Variants in TENM4 observed in about 807,000 individuals in gnomAD.
TENM4 encodes the protein teneurin-4.
Under a neutral mutation model 243.3 loss-of-function variants are expected in TENM4, and 82 were observed. The ratio of observed to expected loss-of-function variants is 0.34; its 90% CI spans 0.28 to 0.40. The LOEUF is 0.40. Ranked by LOEUF, TENM4 falls within the 10% of genes least tolerant of loss-of-function variation. The pLI, the probability that TENM4 is intolerant of heterozygous loss-of-function variation, is 1.00. For missense variants in TENM4, 3,138 were observed against 3,673.3 expected, an observed-to-expected ratio of 0.85 and a Z score of 3.77; for synonymous variants, 1,412 against 1,456.3, an observed-to-expected ratio of 0.97 and a Z score of 0.69.
At chr11:79,296,791 A>T (rs1856462164) in intron 2 of TENM4, among the ~76,000 whole-genome samples, 1 of 152,236 alleles carries the variant, frequency 6.6e-6, no homozygotes, top group Non-Finnish European at 1.5e-5. Context: ...TCTACGTTAT[A>T]GAGTTGTGGG....
At chr11:79,057,105 T>C (rs1859963619) in intron 6 of TENM4, among the ~76,000 whole-genome samples, 2 of 152,202 alleles carry the variant, frequency 1.3e-5, no homozygotes, top group South Asian at 4.1e-4. Context: ...CCTGAGCACC[T>C]GTTGTCTCTC....
intron 6 of TENM4, chr11:78,903,951 T>C (rs904958699): frequency 9.3e-6 from 4 of 431,842 alleles, no homozygotes; most frequent in Admixed American, 3.0e-5. Context: ...TGAACCCTGA[T>C]AGGGCCCAGG....
At chr11:79,380,152 G>T (rs1857971771) in intron 1 of TENM4, among the ~76,000 whole-genome samples, 1 of 152,160 alleles carries the variant, frequency 6.6e-6, no homozygotes, top group Non-Finnish European at 1.5e-5. Flanking sequence ...AAAAGGAGGT[G>T]TGATGGCAAC....
chr11:78,658,645 T>C lies in TENM4; in HGVS notation c.7723A>G (p.Lys2575Glu). 6.2e-7 allele frequency: 1 copy of C among 1,614,024 alleles called. No homozygotes were observed. The highest frequency in any genetic ancestry group is 1.3e-5 in the African/African-American group (1 of 75,058). ...VFGKGVKFALKDGRVTTDIIS... is the reference protein window; with the variant it reads ...VFGKGVKFALEDGRVTTDIIS... ...ATGTCTGTGGTCACTCGGCCATCCT[T>C]CAAGGCAAACTTGACCCCCTTGCCA... is the stretch of plus-strand genomic sequence containing the variant. The change falls in exon 34 of 34, where the codon AAG (lysine) becomes GAG (glutamate). Residue 2575 changes from lysine to glutamate, a missense_variant. Physicochemically the swap from Lys to Glu is moderately conservative, Grantham distance 56. This residue lies in a region of TENM4 where 2,467 missense variants were observed against 3,059.1 expected (regional missense o/e 0.81). Transcript: ENST00000278550.
At chr11:79,307,844 G>C (rs1856652651) in intron 1 of TENM4, among the ~76,000 whole-genome samples, 1 of 152,190 alleles carries the variant, frequency 6.6e-6, no homozygotes, top group African/African-American at 2.4e-5. Flanking sequence ...AGAGGATATG[G>C]AGACCTAGAG....
chr11:79,075,222 T>C lies in TENM4; in HGVS notation c.-65-5213A>G, dbSNP rs536903666. Among the ~76,000 whole-genome samples the C allele has an allele frequency of 2.7e-4, 41 of 152,302 alleles. 3 individuals carry two copies. The East Asian group carries it at 7.7e-3, about 29-fold the overall frequency. On this transcript the variant is annotated intron_variant, in intron 4 of 33. Coordinates refer to ENST00000278550, the MANE Select transcript of TENM4 (RefSeq NM_001098816.3). ...CTGTGAATCGGTCCCATTTTATTGA[T>C]GAAGAGCCTGCGGCTTAGAGAAGTA...
intron 6 of TENM4, among the ~76,000 whole-genome samples, chr11:79,058,156 T>C (rs866441537): frequency 6.6e-6 from 1 of 152,198 alleles, no homozygotes; most frequent in Non-Finnish European, 1.5e-5. Context: ...ATTCTGGATA[T>C]AGCTAGAAGC....
intron 6 of TENM4, among the ~76,000 whole-genome samples, chr11:78,914,567 C>A (rs887110457): frequency 1.3e-5 from 2 of 152,138 alleles, no homozygotes; most frequent in African/African-American, 4.8e-5. Flanking sequence ...GAATGTCAAG[C>A]CTCTACTGCT....
chr11:78,929,580 C>T (rs1856626756), intron 6 of TENM4, among the ~76,000 whole-genome samples: 1 of 151,994 alleles, frequency 6.6e-6, no homozygotes, highest in Non-Finnish European at 1.5e-5. Flanking sequence ...AGCTGGTGGC[C>T]TTTATTATGG....
intron 4 of TENM4, among the ~76,000 whole-genome samples, chr11:79,116,515 AG>A (rs1861625009): frequency 5.4e-4 from 1 of 1,868 alleles, no homozygotes; most frequent in Admixed American, 1.6e-3. Flanking sequence ...GCTGTGAAAT[AG>A]TAAAATAGTA....
chr11:79,064,545 A>G, intron 6 of TENM4, 193 bp downstream of exon 6: 2 of 720,736 alleles, frequency 2.8e-6, no homozygotes, highest in Non-Finnish European at 4.5e-6. Flanking sequence ...CAGCGACCCA[A>G]TCTCTGGCAT....
At chr11:78,700,732 C>T (rs901768831) in intron 28 of TENM4, among the ~76,000 whole-genome samples, 1 of 152,160 alleles carries the variant, frequency 6.6e-6, no homozygotes, top group Non-Finnish European at 1.5e-5. Context: ...AAATGAGCTA[C>T]TTGAGGTGGG....
chr11:78,890,062 C>A (rs1245734746), intron 8 of TENM4, 42 bp from the exon 9 acceptor site: 1 of 1,474,710 alleles, frequency 6.8e-7, no homozygotes, highest in East Asian at 2.5e-5. Flanking sequence ...GGGCTGCCCA[C>A]AGACCAGGCA....
At chr11:79,332,227 A>G (rs1357839807) in intron 1 of TENM4, among the ~76,000 whole-genome samples, 2 of 152,204 alleles carry the variant, frequency 1.3e-5, no homozygotes, top group Non-Finnish European at 2.9e-5. Flanking sequence ...ACCTTCAGCT[A>G]TCACTCCAGG....
At chr11:79,337,227 G>A (rs1857162403) in intron 1 of TENM4, among the ~76,000 whole-genome samples, 1 of 152,202 alleles carries the variant, frequency 6.6e-6, no homozygotes, top group Non-Finnish European at 1.5e-5. Context: ...CCTGCCAGAG[G>A]CTTTTTAGAA....
chr11:78,995,844 C>G (rs1328889236), intron 6 of TENM4, among the ~76,000 whole-genome samples: 1 of 152,148 alleles, frequency 6.6e-6, no homozygotes, highest in East Asian at 1.9e-4. Context: ...AACCTTGCAT[C>G]GATCACTTAA....
At chr11:78,804,495 C>A (rs1591036322) in intron 15 of TENM4, among the ~76,000 whole-genome samples, 1 of 152,102 alleles carries the variant, frequency 6.6e-6, no homozygotes, top group South Asian at 2.1e-4. Context: ...TGACCATAAC[C>A]CACTATATAC....
At chr11:79,303,718 A>G (rs554917997) in intron 1 of TENM4, among the ~76,000 whole-genome samples, 1 of 152,338 alleles carries the variant, frequency 6.6e-6, no homozygotes, top group African/African-American at 2.4e-5. Context: ...GCTCTAAACC[A>G]TTAGACTATC....
intron 13 of TENM4, among the ~76,000 whole-genome samples, chr11:78,812,903 G>A (rs924945032): frequency 3.9e-5 from 6 of 152,162 alleles, no homozygotes; most frequent in African/African-American, 1.4e-4. Context: ...AAAGGATTTT[G>A]TGATCTTCTC....
Sources: allele counts gnomAD v4.1 joint callset (sites outside exome capture counted in the v4.1 genomes callset), GRCh38; gene constraint gnomAD v4.1.1; regional missense constraint gnomAD v4.1.1; transcripts MANE v1.5; gene names NCBI Gene and HGNC (gene_info 2026-07-23, HGNC 2026-07-21).